ELP1: variants seen among roughly 807,000 people sequenced by gnomAD.
ELP1 encodes elongator acetyltransferase complex subunit 1.
Under a neutral mutation model 183.2 loss-of-function variants are expected in ELP1, and 131 were observed. The observed-to-expected ratio is 0.72, with a 90% confidence interval of 0.62 to 0.83. The LOEUF (loss-of-function observed/expected upper bound fraction) is 0.83. Ranked by LOEUF, ELP1 falls within the 40% of genes least tolerant of loss-of-function variation. The probability of loss-of-function intolerance (pLI) is 0.00; values close to 1 mark genes in which losing one functional copy is unlikely to be tolerated. For missense variants in ELP1, 1,550 were observed against 1,594.9 expected (o/e 0.97, Z 0.48); for synonymous variants, 555 against 569.0 (o/e 0.98, Z 0.35).
intron 9 of ELP1, among the ~76,000 whole-genome samples, chr9:108,916,694 AT>A (rs1224601557): frequency 6.6e-6 from 1 of 152,214 alleles, no homozygotes; most frequent in Non-Finnish European, 1.5e-5. Flanking sequence ...GATTTCTAGA[AT>A]TAAAACTCCA....
chr9:108,927,935 A>C (rs1339741212), intron 3 of ELP1, among the ~76,000 whole-genome samples: 1 of 150,456 alleles, frequency 6.6e-6, no homozygotes, highest in Non-Finnish European at 1.5e-5. Context: ...TAATAGGTAC[A>C]AAAAAAAATA....
intron 28 of ELP1, 116 bp from the exon 29 acceptor site, chr9:108,889,509 G>A: frequency 1.1e-6 from 1 of 930,204 alleles, no homozygotes; most frequent in Non-Finnish European, 1.7e-6. Context: ...ATTTCTGTGA[G>A]GGAATAGGTA....
intron 6 of ELP1, among the ~76,000 whole-genome samples, chr9:108,922,527 G>C (rs1279108567): frequency 6.6e-6 from 1 of 152,246 alleles, no homozygotes; most frequent in East Asian, 1.9e-4. Context: ...TCTCTGGAGA[G>C]GAAGGGGAGG....
chr9:108,880,474 A>G (rs1257883829), intron 31 of ELP1, among the ~76,000 whole-genome samples: 3 of 151,380 alleles, frequency 2.0e-5, no homozygotes, highest in African/African-American at 7.3e-5. Flanking sequence ...AAACAAACAA[A>G]AAAAGGGGGG....
chr9:108,874,982 A>C lies in ELP1; in HGVS notation c.3856-12T>G. 1.9e-6 allele frequency: 3 copies of C among 1,569,864 alleles called. No individual in the cohort carries two copies. The highest frequency in any genetic ancestry group is 2.6e-6 in the Non-Finnish European group (3 of 1,140,032). The stretch of plus-strand genomic sequence containing the variant: ...TTGGGACCTAGAACCTGAGGAGAAA[A>C]TAGACTGTATCAGCAAAGATTATCT... On this transcript the variant is annotated splice_polypyrimidine_tract_variant and intron_variant, in intron 35 of 36. Coordinates refer to ENST00000374647, the MANE Select transcript of ELP1 (RefSeq NM_003640.5).
rs12340246 is a variant in ELP1 at position 108,917,592 on chromosome 9, G to A, written c.819C>T (p.Leu273=). The stretch of plus-strand genomic sequence containing the variant: ...AGGGAAGTGTAAAGTGTCCATGAAG[G>A]AGTCCATTTTTCTCAAAAAACACAA... ...QDIVFFEKNG[L]LHGHFTLPFL... is the part of the protein sequence containing the mutation. The change falls in exon 9 of 37, where the codon CTC becomes CTT. Residue 273 remains leucine (L), a synonymous_variant. Coordinates refer to ENST00000374647, the MANE Select transcript of ELP1 (RefSeq NM_003640.5). 0.053 allele frequency: 84,975 copies of A among 1,613,602 alleles called. 3,249 individuals are homozygous for A. The highest frequency in any genetic ancestry group is 0.17 in the Admixed American group (10,470 of 60,014).
intron 5 of ELP1, 128 bp from the exon 6 acceptor site, chr9:108,923,055 C>A: frequency 1.3e-6 from 1 of 764,466 alleles, no homozygotes; most frequent in Non-Finnish European, 2.3e-6. Flanking sequence ...AATAAATTGA[C>A]CAGCAGTCAA....
chr9:108,915,570 C>A (rs902126205), intron 10 of ELP1, among the ~76,000 whole-genome samples: 6 of 152,156 alleles, frequency 3.9e-5, no homozygotes, highest in Non-Finnish European at 5.9e-5. Flanking sequence ...AGCCTGCCAA[C>A]CTGCCCCCAC....
chr9:108,900,334 C>T lies in ELP1; in HGVS notation c.2056G>A (p.Glu686Lys). The change falls in exon 19 of 37, where the codon GAA (glutamate) becomes AAA (lysine). Residue 686 changes from glutamate to lysine, a missense_variant. Physicochemically the swap from Glu to Lys is moderately conservative, Grantham distance 56 (BLOSUM62 1). Coordinates refer to ENST00000374647, the MANE Select transcript of ELP1 (RefSeq NM_003640.5). Reference protein sequence around the residue: ...GLSSNHVSHGEVLRKVERGSR... With the variant: ...GLSSNHVSHGKVLRKVERGSR... ...CCCCTCTCCACTTTCCGCAGAACTT[C>T]CCCATGGGACACATGATTGCTGCTC... 1 of 1,614,184 alleles carries T rather than the reference C, an allele frequency of 6.2e-7. No individual in the cohort carries two copies. The highest frequency in any genetic ancestry group is 8.5e-7 in the Non-Finnish European group (1 of 1,180,010).
intron 18 of ELP1, 61 bp from the exon 19 acceptor site, chr9:108,900,436 C>A: frequency 8.9e-7 from 1 of 1,119,346 alleles, no homozygotes; most frequent in Non-Finnish European, 1.4e-6. Context: ...CCATTAACTG[C>A]AATTGAAACC....
chr9:108,868,726 C>A lies in ELP1; in HGVS notation c.*389G>T. The A allele has an allele frequency of 1.8e-6, 1 of 542,000 alleles. No individual in the cohort carries two copies. The highest frequency in any genetic ancestry group is 3.2e-6 in the Non-Finnish European group (1 of 308,776). 33.6% of individuals were successfully genotyped at this position (542,000 alleles called of 1,614,324 possible). A position where few individuals can be genotyped will look rare whatever the true frequency, so the allele number is the denominator to read the frequency against. On this transcript the variant is annotated 3_prime_UTR_variant, in exon 37 of 37. Transcript: ENST00000374647. ...ATTTGACCAAATGTAGCACTAATAGCCATTGTAATCTTCTCCGCCAACAAA... is the reference window on the plus strand; with the variant it reads ...ATTTGACCAAATGTAGCACTAATAGACATTGTAATCTTCTCCGCCAACAAA...
chr9:108,899,986 A>G, intron 19 of ELP1, 91 bp from the exon 20 acceptor site: 1 of 1,007,626 alleles, frequency 9.9e-7, no homozygotes, highest in Non-Finnish European at 1.5e-6. Flanking sequence ...TTCACAGAGA[A>G]TTACCACAAC....
chr9:108,904,849 CAAAAGCATTAATATTTTATAT>C (rs1451918961), intron 14 of ELP1, among the ~76,000 whole-genome samples: 5 of 152,168 alleles, frequency 3.3e-5, no homozygotes, highest in African/African-American at 1.2e-4. Flanking sequence ...TTGTAGTCCT[CAAAAGCATTAATATTTTATAT>C]GAACAAAACA....
At chr9:108,921,292 C>T (rs921861631) in intron 6 of ELP1, among the ~76,000 whole-genome samples, 61 of 152,174 alleles carry the variant, frequency 4.0e-4, no homozygotes, top group African/African-American at 1.3e-3. Flanking sequence ...TACCCAACCA[C>T]TACTCTACTT....
In ELP1 at chr9:108,929,836, T is replaced by C; in HGVS notation, c.236A>G (p.Asp79Gly). 1 of 1,613,968 alleles carries C rather than the reference T, an allele frequency of 6.2e-7. No individual in the cohort carries two copies. The highest frequency in any genetic ancestry group is 8.5e-7 in the Non-Finnish European group (1 of 1,180,026). The change falls in exon 3 of 37, where the codon GAT becomes GGT. Residue 79 changes from aspartate to glycine, a missense_variant. By Grantham distance (94) the Asp-to-Gly change is moderately conservative. Transcript: ENST00000374647. ...TGTGGCCACACACACAGACTCCTGATCCAGCAAGTCCTGAACACCAACAAT... is the reference window on the plus strand; with the variant it reads ...TGTGGCCACACACACAGACTCCTGACCCAGCAAGTCCTGAACACCAACAAT... ...GRIVGVQDLL[D>G]QESVCVATAS...
intron 20 of ELP1, 122 bp downstream of exon 20, chr9:108,899,700 T>C (rs1166456165): frequency 2.7e-6 from 2 of 749,166 alleles, no homozygotes; most frequent in African/African-American, 1.8e-5. Context: ...AAGAATCTGA[T>C]TGATGATATA....
chr9:108,879,414 T>G, intron 33 of ELP1, 32 bp downstream of exon 33: 1 of 1,501,922 alleles, frequency 6.7e-7, no homozygotes, highest in South Asian at 1.1e-5. Flanking sequence ...GCCCAGGATA[T>G]AGTCAATGTG....
intron 32 of ELP1, 24 bp downstream of exon 32, chr9:108,880,028 G>T: frequency 1.4e-6 from 2 of 1,460,894 alleles, no homozygotes; most frequent in Non-Finnish European, 9.6e-7. Flanking sequence ...CCCGCACGTC[G>T]ATGGCCTTCA....
intron 25 of ELP1, among the ~76,000 whole-genome samples, chr9:108,895,581 C>G (rs1223898808): frequency 2.0e-5 from 3 of 152,134 alleles, no homozygotes; most frequent in Non-Finnish European, 4.4e-5. Flanking sequence ...GAAAGATACA[C>G]AGAGGCCAGG....
Sources: gnomAD v4.1 joint callset for allele counts (sites outside exome capture counted in the v4.1 genomes callset) on GRCh38, gnomAD v4.1.1 for gene constraint, MANE v1.5 for transcripts, NCBI Gene and HGNC (gene_info 2026-07-23, HGNC 2026-07-21) for gene names.